TRIM44: variants seen among roughly 807,000 people sequenced by gnomAD.
TRIM44 encodes the protein tripartite motif containing 44.
A neutral mutation model predicts 37.4 loss-of-function variants in TRIM44; 13 were observed. That is an observed-to-expected ratio of 0.35 (90% CI 0.23 to 0.55). TRIM44 has a LOEUF of 0.55. Ranked by LOEUF, TRIM44 falls within the 20% of genes least tolerant of loss-of-function variation. The pLI is 0.89. For missense variants in TRIM44, 426 were observed against 437.2 expected, an observed-to-expected ratio of 0.97 and a Z score of 0.23; for synonymous variants, 175 against 157.2, an observed-to-expected ratio of 1.11 and a Z score of -0.85.
intron 2 of TRIM44, among the ~76,000 whole-genome samples, chr11:35,707,099 C>A (rs981541749): frequency 4.9e-3 from 738 of 151,754 alleles, no homozygotes; most frequent in Non-Finnish European, 8.2e-3. Flanking sequence ...AAAAATCACA[C>A]GCATTCTTAT....
intron 1 of TRIM44, among the ~76,000 whole-genome samples, chr11:35,666,962 C>G (rs1851339517): frequency 6.6e-6 from 1 of 151,978 alleles, no homozygotes; most frequent in African/African-American, 2.4e-5. Flanking sequence ...ATCCTTATAT[C>G]TGTTATTTGT....
chr11:35,668,957 C>T (rs1177025901), intron 1 of TRIM44, among the ~76,000 whole-genome samples: 2 of 152,058 alleles, frequency 1.3e-5, no homozygotes, highest in Non-Finnish European at 2.9e-5. Flanking sequence ...TTAGCTATTC[C>T]TTTAAGAACT....
intron 4 of TRIM44, among the ~76,000 whole-genome samples, chr11:35,795,132 G>A (rs1423346940): frequency 6.6e-6 from 1 of 152,038 alleles, no homozygotes; most frequent in Non-Finnish European, 1.5e-5. Flanking sequence ...CAGCTTACTT[G>A]GGGAACAGAA....
intron 4 of TRIM44, among the ~76,000 whole-genome samples, chr11:35,740,132 G>A (rs1408284110): frequency 2.2e-5 from 3 of 139,494 alleles, no homozygotes; most frequent in East Asian, 2.1e-4. Flanking sequence ...TACCTTTGAA[G>A]CCCAGAGTGA....
chr11:35,742,547 T>C (rs1439705552), intron 4 of TRIM44, among the ~76,000 whole-genome samples: 1 of 133,534 alleles, frequency 7.5e-6, no homozygotes, highest in Non-Finnish European at 1.5e-5. Context: ...TTATATTAAT[T>C]ATATTAATTG....
intron 2 of TRIM44, among the ~76,000 whole-genome samples, chr11:35,690,769 G>T (rs1232471555): frequency 6.6e-6 from 1 of 152,174 alleles, no homozygotes; most frequent in East Asian, 1.9e-4. Context: ...TAATTGATAT[G>T]TATTATCTAT....
chr11:35,710,241 T>TTA (rs1260842628), intron 2 of TRIM44, among the ~76,000 whole-genome samples: 76 of 152,120 alleles, frequency 5.0e-4, no homozygotes, highest in South Asian at 3.7e-3. Flanking sequence ...TTAGTTTGCT[T>TTA]TATATATATA....
intron 1 of TRIM44, among the ~76,000 whole-genome samples, chr11:35,671,841 A>T (rs1309242879): frequency 2.0e-5 from 3 of 152,202 alleles, no homozygotes; most frequent in Non-Finnish European, 2.9e-5. Context: ...GGTCTCCAGA[A>T]GATTTTGTGG....
intron 2 of TRIM44, among the ~76,000 whole-genome samples, chr11:35,689,091 C>T (rs897062828): frequency 6.6e-6 from 1 of 152,102 alleles, no homozygotes; most frequent in Non-Finnish European, 1.5e-5. Context: ...GCTAAAAGGA[C>T]GGGACTGCTT....
At chr11:35,775,103 A>C (rs1033199043) in intron 4 of TRIM44, among the ~76,000 whole-genome samples, 1 of 152,226 alleles carries the variant, frequency 6.6e-6, no homozygotes, top group Non-Finnish European at 1.5e-5. Flanking sequence ...ATGCATGAGC[A>C]TGGAATGTTC....
rs2135515981 is a variant in TRIM44, at chr11:35,725,999, C to G, written c.823C>G (p.Gln275Glu). 6.2e-7 allele frequency: 1 copy of G among 1,614,020 alleles called. No individual in the cohort carries two copies. The highest frequency in any genetic ancestry group is 2.2e-5 in the East Asian group (1 of 44,870). The change falls in exon 3 of 5, where the codon CAG becomes GAG. Residue 275 changes from glutamine (Q) to glutamate (E), a missense_variant. Gln to Glu is a conservative substitution (Grantham distance 29). Around this residue, in one of 2 missense-constraint regions of TRIM44, gnomAD observed 95 missense variants for 134.2 expected, o/e 0.71. Coordinates refer to ENST00000299413, the MANE Select transcript of TRIM44 (RefSeq NM_017583.6). ...KVQKVIADEEQKALHLVDIQE... is the reference protein window; with the variant it reads ...KVQKVIADEEEKALHLVDIQE... ...TCAGAAAGTGATTGCTGATGAGGAGCAGAAGGCCCTTCATCTAGTGGACAT... is the reference window on the plus strand; with the variant it reads ...TCAGAAAGTGATTGCTGATGAGGAGGAGAAGGCCCTTCATCTAGTGGACAT...
intron 1 of TRIM44, 74 bp from the exon 2 acceptor site, chr11:35,685,185 C>T: frequency 2.3e-6 from 3 of 1,286,628 alleles, no homozygotes; most frequent in Non-Finnish European, 3.4e-6. Flanking sequence ...ATTTCATTGT[C>T]TTCCAAAATG....
chr11:35,798,496 A>G (rs555201601), intron 4 of TRIM44, among the ~76,000 whole-genome samples: 1 of 152,312 alleles, frequency 6.6e-6, no homozygotes, highest in South Asian at 2.1e-4. Flanking sequence ...CCTCTGTACT[A>G]TCTTTGCAAT....
intron 2 of TRIM44, among the ~76,000 whole-genome samples, chr11:35,718,159 AG>A (rs1434299795): frequency 6.6e-6 from 1 of 152,172 alleles, no homozygotes; most frequent in Non-Finnish European, 1.5e-5. Context: ...TATTCTAGAA[AG>A]GGGGAGTCAT....
intron 2 of TRIM44, among the ~76,000 whole-genome samples, chr11:35,686,362 G>GTTTTTTTTTTTT (rs201740615): frequency 3.5e-5 from 5 of 143,702 alleles, no homozygotes; most frequent in African/African-American, 1.1e-4. Flanking sequence ...GGTTCTTTTT[G>GTTTTTTTTTTTT]TTTTTGTTTT....
At chr11:35,696,341 AC>A (rs1209610940) in intron 2 of TRIM44, among the ~76,000 whole-genome samples, 1 of 150,584 alleles carries the variant, frequency 6.6e-6, no homozygotes, top group African/African-American at 2.4e-5. Flanking sequence ...ACGGGGTTTC[AC>A]CATGTTAGCC....
intron 2 of TRIM44, among the ~76,000 whole-genome samples, chr11:35,687,412 A>G (rs1272612829): frequency 6.6e-6 from 1 of 152,214 alleles, no homozygotes; most frequent in African/African-American, 2.4e-5. Flanking sequence ...TTCCTAGCTC[A>G]AAGTAGGAGG....
chr11:35,799,712 G>A (rs1017908203), intron 4 of TRIM44, among the ~76,000 whole-genome samples: 2 of 152,112 alleles, frequency 1.3e-5, no homozygotes, highest in African/African-American at 4.8e-5. Flanking sequence ...TTTCTCATCT[G>A]TAGAATGGAG....
At position 35,766,080 on chromosome 11, in the gene TRIM44, C is replaced by T. The variant is rs186554254; in HGVS notation, c.1007+30635C>T. Among the ~76,000 whole-genome samples, 255 of 152,274 alleles carry T rather than the reference C, an allele frequency of 1.7e-3. 1 individual carries two copies. The highest frequency in any genetic ancestry group is 5.8e-3 in the African/African-American group (243 of 41,576). The stretch of plus-strand genomic sequence containing the variant: ...TCTTCTTTCTTCTCTTTTTCTCTTT[C>T]TCCTTTTTGCATCACTCTCTACCTT... On this transcript the variant is annotated intron_variant, in intron 4 of 4. Transcript: ENST00000299413.
Sources: gnomAD v4.1 joint callset for allele counts (sites outside exome capture counted in the v4.1 genomes callset) on GRCh38, gnomAD v4.1.1 for gene constraint, gnomAD v4.1.1 regional missense constraint, MANE v1.5 for transcripts, NCBI Gene and HGNC (gene_info 2026-07-23, HGNC 2026-07-21) for gene names.